The following XRCC4 variants were observed in gnomAD, a reference collection of about 807,000 sequenced individuals.
XRCC4 encodes X-ray repair cross complementing 4.
In XRCC4, 28 loss-of-function variants were observed where a neutral mutation model predicts 39.1. The observed-to-expected ratio is 0.72, with a 90% CI of 0.53 to 0.98. The LOEUF is 0.98. XRCC4 is among the 50% of genes least tolerant of loss of function. The probability of loss-of-function intolerance (pLI) is 0.00; values close to 1 mark genes in which losing one functional copy is unlikely to be tolerated. For synonymous variants in XRCC4, 123 were observed against 126.4 expected (o/e 0.97, Z 0.18); for missense variants, 350 against 376.4 (o/e 0.93, Z 0.58).
intron 3 of XRCC4, among the ~76,000 whole-genome samples, chr5:83,155,124 A>C (rs1487293359): frequency 6.6e-6 from 1 of 152,186 alleles, no homozygotes; most frequent in Non-Finnish European, 1.5e-5. Flanking sequence ...CTAATATTGT[A>C]ATAATCACAT....
At chr5:83,345,215 T>C (rs1351420763) in intron 7 of XRCC4, among the ~76,000 whole-genome samples, 2 of 152,200 alleles carry the variant, frequency 1.3e-5, no homozygotes, top group African/African-American at 2.4e-5. Context: ...AAGTACTTAC[T>C]TCAAATGCAA....
chr5:83,102,323 A>G (rs1745980459), intron 1 of XRCC4, among the ~76,000 whole-genome samples: 1 of 152,112 alleles, frequency 6.6e-6, no homozygotes, highest in South Asian at 2.1e-4. Context: ...AGTCTTAAGA[A>G]GAGGCCTGTC....
the XRCC4 span, among the ~76,000 whole-genome samples, chr5:83,368,412 A>G: frequency 0.024 from 3,698 of 152,232 alleles, 66 homozygotes; most frequent in Non-Finnish European, 0.034. Flanking sequence ...TGTCACTTCT[A>G]TCCTAGCCTA....
chr5:83,090,655 CTGG>C (rs1211979263), intron 1 of XRCC4, among the ~76,000 whole-genome samples: 1 of 152,084 alleles, frequency 6.6e-6, no homozygotes, highest in Non-Finnish European at 1.5e-5. Context: ...CTTGGTGTTT[CTGG>C]TGACCAGCTC....
intron 7 of XRCC4, among the ~76,000 whole-genome samples, chr5:83,308,207 G>A (rs1755555176): frequency 6.6e-6 from 1 of 152,120 alleles, no homozygotes; most frequent in Non-Finnish European, 1.5e-5. Context: ...CAAAGCTTGA[G>A]CCCTGTAAGA....
chr5:83,366,689 C>G, the XRCC4 span, among the ~76,000 whole-genome samples: 1 of 152,148 alleles, frequency 6.6e-6, no homozygotes, highest in African/African-American at 2.4e-5. Context: ...GCCCTGTTTT[C>G]CCCTCTTTTT....
At chr5:83,349,784 A>T (rs1757024937) in intron 7 of XRCC4, among the ~76,000 whole-genome samples, 1 of 152,100 alleles carries the variant, frequency 6.6e-6, no homozygotes, top group Non-Finnish European at 1.5e-5. Context: ...TTTATTTTAG[A>T]TACAGGGGGT....
chr5:83,285,131 A>C (rs1754688429), intron 7 of XRCC4, among the ~76,000 whole-genome samples: 1 of 152,170 alleles, frequency 6.6e-6, no homozygotes, highest in Non-Finnish European at 1.5e-5. Context: ...ATACCCTAGA[A>C]TTGTTTACAG....
intron 6 of XRCC4, among the ~76,000 whole-genome samples, chr5:83,235,708 G>T (rs1158149487): frequency 1.3e-5 from 2 of 152,082 alleles, no homozygotes; most frequent in Non-Finnish European, 2.9e-5. Flanking sequence ...TTCCTGGCAA[G>T]GGAGTCCTAG....
intron 6 of XRCC4, among the ~76,000 whole-genome samples, chr5:83,217,215 G>C (rs1751893463): frequency 6.6e-6 from 1 of 151,960 alleles, no homozygotes; most frequent in Admixed American, 6.6e-5. Context: ...AAATTAGCCA[G>C]GCATGGTGGC....
At chr5:83,101,822 C>T (rs1296808356) in intron 1 of XRCC4, among the ~76,000 whole-genome samples, 2 of 152,082 alleles carry the variant, frequency 1.3e-5, no homozygotes, top group South Asian at 4.1e-4. Flanking sequence ...AACAGAATCA[C>T]TATTCAACGT....
Position 83,176,386 on chromosome 5 carries a change from G to A in XRCC4, c.316-19384G>A, listed in dbSNP as rs183622495. 4.1e-4 allele frequency among the ~76,000 whole-genome samples: 62 copies of A among 152,152 alleles called. 1 individual carries two copies. The highest frequency in any genetic ancestry group is 1.4e-3 in the African/African-American group (60 of 41,510). On this transcript the variant is annotated intron_variant, in intron 3 of 7. Coordinates refer to ENST00000396027, the MANE Select transcript of XRCC4 (RefSeq NM_003401.5). ...TGAATACTTGATGACAGATGAAGGTGCCACCTCTTATGTACCCATAAAAAT... is the reference window on the plus strand; with the variant it reads ...TGAATACTTGATGACAGATGAAGGTACCACCTCTTATGTACCCATAAAAAT...
chr5:83,265,036 A>C (rs1317481144), intron 7 of XRCC4, among the ~76,000 whole-genome samples: 1 of 152,180 alleles, frequency 6.6e-6, no homozygotes, highest in Non-Finnish European at 1.5e-5. Context: ...ATGAAATTGC[A>C]TGTGCCAACT....
chr5:83,276,818 C>G (rs940522204), intron 7 of XRCC4, among the ~76,000 whole-genome samples: 1 of 151,244 alleles, frequency 6.6e-6, no homozygotes, highest in Non-Finnish European at 1.5e-5. Flanking sequence ...ATGACAGAAT[C>G]TTGTTATAAT....
chr5:83,263,943 T>TATTA (rs1454468157), intron 7 of XRCC4, among the ~76,000 whole-genome samples: 12 of 150,414 alleles, frequency 8.0e-5, no homozygotes, highest in Non-Finnish European at 1.5e-4. Flanking sequence ...TGAATGGTAA[T>TATTA]GCCTAGGTTT....
intron 7 of XRCC4, among the ~76,000 whole-genome samples, chr5:83,310,399 G>T (rs1318185207): frequency 6.6e-6 from 1 of 152,164 alleles, no homozygotes. Flanking sequence ...AGCTAAATAA[G>T]GAGGATGGGC....
the XRCC4 span, among the ~76,000 whole-genome samples, chr5:83,359,644 G>A: frequency 6.6e-6 from 1 of 152,048 alleles, no homozygotes; most frequent in African/African-American, 2.4e-5. Context: ...TAGTCGAATG[G>A]TTCTTTGAAA....
intron 3 of XRCC4, among the ~76,000 whole-genome samples, chr5:83,134,775 C>G (rs1301706014): frequency 6.6e-6 from 1 of 152,118 alleles, no homozygotes; most frequent in Admixed American, 6.6e-5. Context: ...TTCGCTCTGC[C>G]TTTATGAGCT....
chr5:83,226,747 G>T (rs1356336617), intron 6 of XRCC4, among the ~76,000 whole-genome samples: 1 of 152,108 alleles, frequency 6.6e-6, no homozygotes, highest in Non-Finnish European at 1.5e-5. Context: ...TTGCTCAGTA[G>T]GCTGAAAGTC....
Sources: gnomAD v4.1 joint callset for allele counts (sites outside exome capture counted in the v4.1 genomes callset) on GRCh38, gnomAD v4.1.1 for gene constraint, MANE v1.5 for transcripts, NCBI Gene and HGNC (gene_info 2026-07-23, HGNC 2026-07-21) for gene names.